The following PTPN5 variants were observed in gnomAD, a reference collection of about 807,000 sequenced individuals.
The protein encoded by PTPN5 is tyrosine-protein phosphatase non-receptor type 5.
In PTPN5, 29 loss-of-function variants were observed where a neutral mutation model predicts 73.9. That is an observed-to-expected ratio of 0.39 (90% CI 0.29 to 0.54). The LOEUF is 0.54. Ranked by LOEUF, PTPN5 falls within the 20% of genes least tolerant of loss-of-function variation. The probability of loss-of-function intolerance (pLI) is 0.65; values close to 1 mark genes in which losing one functional copy is unlikely to be tolerated. For synonymous variants in PTPN5, 267 were observed against 304.7 expected, an observed-to-expected ratio of 0.88 and a Z score of 1.29; for missense variants, 652 against 751.4, an observed-to-expected ratio of 0.87 and a Z score of 1.55.
intron 3 of PTPN5, among the ~76,000 whole-genome samples, chr11:18,757,663 A>G (rs1850216443): frequency 6.6e-6 from 1 of 152,152 alleles, no homozygotes; most frequent in African/African-American, 2.4e-5. Flanking sequence ...GGGCTGGGGT[A>G]CCCATCTACC....
chr11:18,766,740 T>A (rs965317462), intron 2 of PTPN5, among the ~76,000 whole-genome samples: 2 of 152,182 alleles, frequency 1.3e-5, no homozygotes, highest in Non-Finnish European at 2.9e-5. Context: ...TCCCCTACCC[T>A]GGGAATGGCC....
chr11:18,747,333 T>A (rs1028464351), intron 3 of PTPN5, among the ~76,000 whole-genome samples: 1 of 151,688 alleles, frequency 6.6e-6, no homozygotes, highest in African/African-American at 2.4e-5. Flanking sequence ...GTATTTTTAG[T>A]AGAGATGGGG....
chr11:18,736,072 A>G (rs1274097161), intron 9 of PTPN5, among the ~76,000 whole-genome samples: 1 of 152,202 alleles, frequency 6.6e-6, no homozygotes, highest in Non-Finnish European at 1.5e-5. Flanking sequence ...CCTAACCTCA[A>G]AAACATCATT....
rs768707091 is a variant in PTPN5 at position 18,765,817 on chromosome 11, C to A, written c.87G>T (p.Glu29Asp). ...EGGALDMCCSERLPGLPQPIV... is the reference protein window; with the variant it reads ...EGGALDMCCSDRLPGLPQPIV... ...GCTGAGAAGACTCACCCGGTAGCCTCTCACTGCAGCACATGTCCAGGGCCC... is the reference window on the plus strand; with the variant it reads ...GCTGAGAAGACTCACCCGGTAGCCTATCACTGCAGCACATGTCCAGGGCCC... The change falls in exon 3 of 15, where the codon GAG becomes GAT. Residue 29 changes from glutamate to aspartate, a missense_variant. By Grantham distance (45) the Glu-to-Asp change is conservative (BLOSUM62 2). This residue lies in a region of PTPN5 where 529 missense variants were observed against 573.9 expected (regional missense o/e 0.92). Transcript: ENST00000358540. The A allele has an allele frequency of 5.1e-6, 8 of 1,574,192 alleles. No homozygotes were observed. The highest frequency in any genetic ancestry group is 3.5e-5 in the South Asian group (3 of 85,526).
intron 1 of PTPN5, among the ~76,000 whole-genome samples, chr11:18,790,436 C>G (rs187585682): frequency 6.6e-6 from 1 of 152,156 alleles, no homozygotes; most frequent in Non-Finnish European, 1.5e-5. Context: ...TGAGGACACT[C>G]AGGCTCAGTG....
intron 1 of PTPN5, among the ~76,000 whole-genome samples, chr11:18,776,443 T>C (rs1321105485): frequency 6.6e-6 from 1 of 152,166 alleles, no homozygotes; most frequent in African/African-American, 2.4e-5. Flanking sequence ...CATTATCTGT[T>C]GATGCCAGTC....
rs112958733 is a variant in PTPN5, at chr11:18,774,954, C to T, written c.-113-2883G>A. Among the ~76,000 whole-genome samples the T allele has an allele frequency of 1.5e-3, 231 of 152,312 alleles. 3 individuals carry two copies. The South Asian group carries it at 0.043, about 28-fold the overall frequency. On this transcript the variant is annotated intron_variant, in intron 1 of 14. Coordinates refer to ENST00000358540, the MANE Select transcript of PTPN5 (RefSeq NM_006906.2). ...ACCTGTTCAGTAACATCTTAGCTCC[C>T]GACCGAAGAGGATAACAATGACAGT...
intron 3 of PTPN5, among the ~76,000 whole-genome samples, chr11:18,746,175 A>ATATG (rs1398396824): frequency 9.5e-6 from 1 of 105,542 alleles, no homozygotes; most frequent in African/African-American, 2.8e-5. Context: ...ATATATATAT[A>ATATG]TATATATATA....
intron 3 of PTPN5, among the ~76,000 whole-genome samples, chr11:18,761,829 G>A (rs962160877): frequency 1.3e-5 from 2 of 152,194 alleles, no homozygotes; most frequent in African/African-American, 4.8e-5. Context: ...GCGGGATGGA[G>A]GGATGGAGCT....
chr11:18,730,449 T>TC (rs1278914475), intron 12 of PTPN5: 1 of 153,030 alleles, frequency 6.5e-6, no homozygotes, highest in Non-Finnish European at 1.5e-5. Flanking sequence ...AATGTGTGTG[T>TC]CCCCTTAAGT....
At chr11:18,764,174 G>A (rs900254609) in intron 3 of PTPN5, among the ~76,000 whole-genome samples, 8 of 152,204 alleles carry the variant, frequency 5.3e-5, no homozygotes, top group East Asian at 1.9e-4. Flanking sequence ...CTCCTGTGAC[G>A]GAACACGCAT....
Position 18,740,799 on chromosome 11 carries a change from G to C in PTPN5, c.726-7C>G, listed in dbSNP as rs753471754. On this transcript the variant is annotated splice_region_variant and splice_polypyrimidine_tract_variant and intron_variant, in intron 7 of 14. Coordinates refer to ENST00000358540, the MANE Select transcript of PTPN5 (RefSeq NM_006906.2). ...GGAGACATTGGAACCCCTCCTGGAA[G>C]GACCAGGAAAGGGAGTGTGAGCCTC... 1.2e-5 allele frequency: 18 copies of C among 1,504,774 alleles called. No homozygotes were observed. In the Admixed American group the frequency reaches 3.5e-4, roughly 29 times the overall value. The allele number at this position is 1,504,774 out of a possible 1,614,324, so 93.2% of individuals were successfully genotyped here. A position where few individuals can be genotyped will look rare whatever the true frequency, so the allele number is the denominator to read the frequency against.
intron 1 of PTPN5, among the ~76,000 whole-genome samples, chr11:18,780,139 G>T (rs1002182567): frequency 6.6e-6 from 1 of 152,134 alleles, no homozygotes; most frequent in African/African-American, 2.4e-5. Flanking sequence ...ATTTCCTCAG[G>T]CTCTGTCAGG....
intron 1 of PTPN5, among the ~76,000 whole-genome samples, chr11:18,781,495 T>C (rs1851429739): frequency 6.6e-6 from 1 of 151,912 alleles, no homozygotes; most frequent in Non-Finnish European, 1.5e-5. Flanking sequence ...AGTTTCTGTA[T>C]TTTTAGTAGA....
At chr11:18,789,679 T>A (rs1851824041) in intron 1 of PTPN5, among the ~76,000 whole-genome samples, 1 of 152,142 alleles carries the variant, frequency 6.6e-6, no homozygotes, top group Admixed American at 6.5e-5. Flanking sequence ...TGATTCTAAG[T>A]GAAGTAACTC....
chr11:18,780,651 A>G (rs2134352024), intron 1 of PTPN5, among the ~76,000 whole-genome samples: 1 of 152,044 alleles, frequency 6.6e-6, no homozygotes, highest in Admixed American at 6.5e-5. Flanking sequence ...TCCTTCCCCC[A>G]GCACTTTTTG....
At chr11:18,763,465 T>A (rs1429950394) in intron 3 of PTPN5, among the ~76,000 whole-genome samples, 7 of 152,168 alleles carry the variant, frequency 4.6e-5, no homozygotes, top group Non-Finnish European at 1.0e-4. Flanking sequence ...TAAGAAGGGG[T>A]AGCAAATGAC....
At chr11:18,743,245 T>C (rs1849455204) in intron 5 of PTPN5, 77 bp downstream of exon 5, 1 of 1,412,288 alleles carries the variant, frequency 7.1e-7, no homozygotes, top group Non-Finnish European at 1.0e-6. Flanking sequence ...AGAAGCCCAA[T>C]CTGGAGGTTG....
chr11:18,757,237 GCTTTT>G (rs1850198216), intron 3 of PTPN5, among the ~76,000 whole-genome samples: 1 of 152,146 alleles, frequency 6.6e-6, no homozygotes, highest in African/African-American at 2.4e-5. Context: ...GAAAAAAATT[GCTTTT>G]CTCATTTCAC....
Sources: allele counts gnomAD v4.1 joint callset (sites outside exome capture counted in the v4.1 genomes callset), GRCh38; gene constraint gnomAD v4.1.1; regional missense constraint gnomAD v4.1.1; transcripts MANE v1.5; gene names NCBI Gene and HGNC (gene_info 2026-07-23, HGNC 2026-07-21).